The following NR6A1 variants were observed in gnomAD, a reference collection of about 807,000 sequenced individuals.
NR6A1 encodes the protein nuclear receptor subfamily 6 group A member 1, also known as retinoic acid receptor-related testis-associated receptor.
Under a neutral mutation model 59.1 loss-of-function variants are expected in NR6A1, and 7 were observed. The ratio of observed to expected loss-of-function variants is 0.12; its 90% confidence interval spans 0.07 to 0.22. NR6A1 has a LOEUF of 0.22. NR6A1 is among the 10% of genes least tolerant of loss of function. NR6A1 has a pLI of 1.00. For synonymous variants in NR6A1, 243 were observed against 236.1 expected, an observed-to-expected ratio of 1.03 and a Z score of -0.27; for missense variants, 468 against 611.6, an observed-to-expected ratio of 0.77 and a Z score of 2.48.
intron 2 of NR6A1, among the ~76,000 whole-genome samples, chr9:124,698,971 G>T (rs182337358): frequency 6.6e-6 from 1 of 152,114 alleles, no homozygotes. Flanking sequence ...GGCAAAAAAC[G>T]GTAGGTATAG....
At chr9:124,654,912 A>ACC (rs1837212165) in intron 2 of NR6A1, among the ~76,000 whole-genome samples, 2 of 143,368 alleles carry the variant, frequency 1.4e-5, no homozygotes, top group African/African-American at 5.2e-5. Flanking sequence ...ACACACACAC[A>ACC]CCTGCCAAAC....
chr9:124,622,072 C>T (rs150095489), intron 2 of NR6A1, among the ~76,000 whole-genome samples: 1 of 152,076 alleles, frequency 6.6e-6, no homozygotes, highest in Admixed American at 6.6e-5. Context: ...AAAAATTAGC[C>T]GGGCATGGTG....
intron 2 of NR6A1, among the ~76,000 whole-genome samples, chr9:124,640,085 G>A (rs865942613): frequency 7.2e-5 from 11 of 152,158 alleles, no homozygotes; most frequent in Non-Finnish European, 1.0e-4. Context: ...ATATGGAAGC[G>A]CTGAAGAACA....
chr9:124,760,467 C>A (rs2131194563), intron 1 of NR6A1, among the ~76,000 whole-genome samples: 1 of 152,246 alleles, frequency 6.6e-6, no homozygotes. Flanking sequence ...GCCCCAGATT[C>A]TCAGGTTTTT....
chr9:124,589,184 C>T (rs1451763883), intron 2 of NR6A1, among the ~76,000 whole-genome samples: 1 of 152,150 alleles, frequency 6.6e-6, no homozygotes. Flanking sequence ...CGGTGGCTCA[C>T]GCCTGTAATC....
chr9:124,718,290 C>G (rs1405490098), intron 2 of NR6A1, among the ~76,000 whole-genome samples: 2 of 152,214 alleles, frequency 1.3e-5, no homozygotes, highest in Non-Finnish European at 2.9e-5. Flanking sequence ...AGTGCTGGCT[C>G]AAGCCTCAAG....
At chr9:124,570,727 T>C (rs916228051) in intron 2 of NR6A1, among the ~76,000 whole-genome samples, 1 of 50,128 alleles carries the variant, frequency 2.0e-5, no homozygotes, top group African/African-American at 8.3e-5. Flanking sequence ...CCTTGTTTAC[T>C]TGGTGGGGGG....
chr9:124,732,722 G>C (rs886548600), intron 2 of NR6A1, among the ~76,000 whole-genome samples: 6 of 150,086 alleles, frequency 4.0e-5, no homozygotes, highest in African/African-American at 1.5e-4. Context: ...TTGAGGTGGA[G>C]TTTTGCTCTT....
intron 2 of NR6A1, among the ~76,000 whole-genome samples, chr9:124,658,917 C>T (rs1324608607): frequency 6.6e-6 from 1 of 152,158 alleles, no homozygotes; most frequent in Non-Finnish European, 1.5e-5. Context: ...TTATACACAT[C>T]CCATAACGCA....
At chr9:124,736,153 AC>A (rs1465240100) in intron 1 of NR6A1, among the ~76,000 whole-genome samples, 1 of 152,118 alleles carries the variant, frequency 6.6e-6, no homozygotes, top group Admixed American at 6.5e-5. Context: ...GGAAGGTTAG[AC>A]CTCTCCTAGG....
chr9:124,680,040 A>G (rs1039469375), intron 2 of NR6A1, among the ~76,000 whole-genome samples: 7 of 152,124 alleles, frequency 4.6e-5, no homozygotes, highest in Admixed American at 3.9e-4. Flanking sequence ...GTTATACATT[A>G]TATGTAATTA....
chr9:124,678,497 T>C (rs969765460), intron 2 of NR6A1, among the ~76,000 whole-genome samples: 3 of 152,194 alleles, frequency 2.0e-5, no homozygotes, highest in African/African-American at 7.2e-5. Context: ...AGACAGAAGA[T>C]GTAAGTGTAA....
At chr9:124,768,340 G>A (rs1038992176) in intron 1 of NR6A1, among the ~76,000 whole-genome samples, 2 of 152,018 alleles carry the variant, frequency 1.3e-5, no homozygotes, top group African/African-American at 4.8e-5. Context: ...TATATTTTTG[G>A]AGAAAAATAT....
rs1832788731 is a variant in NR6A1 at position 124,521,007 on chromosome 9, C to T, written c.*1698G>A. 1 of 152,210 alleles carries T rather than the reference C, an allele frequency of 6.6e-6. No individual in the cohort carries two copies. The highest frequency in any genetic ancestry group is 1.5e-5 in the Non-Finnish European group (1 of 68,024). 9.4% of individuals were successfully genotyped at this position (152,210 alleles called of 1,614,324 possible). A position where few individuals can be genotyped will look rare whatever the true frequency, so the allele number is the denominator to read the frequency against. On this transcript the variant is annotated 3_prime_UTR_variant, in exon 10 of 10. Coordinates refer to ENST00000487099, the MANE Select transcript of NR6A1 (RefSeq NM_033334.4). ...TCAGACATGGACTACCCAGTATGCA[C>T]ACGACGTGGTGCCCTCCTGGGTAGC...
intron 2 of NR6A1, among the ~76,000 whole-genome samples, chr9:124,711,184 GT>G (rs1301655873): frequency 1.9e-5 from 2 of 103,368 alleles, no homozygotes; most frequent in African/African-American, 8.2e-5. Context: ...GTCAGCTAAG[GT>G]TTAAAAAAAA....
At position 124,738,088 on chromosome 9, in the gene NR6A1, T is replaced by C. The variant is rs1267949297; in HGVS notation, c.101-4739A>G. 2.0e-5 allele frequency among the ~76,000 whole-genome samples: 3 copies of C among 152,116 alleles called. No individual in the cohort carries two copies. The East Asian group carries it at 5.8e-4, about 29-fold the overall frequency. On this transcript the variant is annotated intron_variant, in intron 1 of 9. Transcript: ENST00000487099. ...GGCCAACATAGTAAAACCCCGTTTC[T>C]ACTAAAAATACAAAAATTAGTCTGG...
intron 7 of NR6A1, among the ~76,000 whole-genome samples, chr9:124,534,670 C>A (rs74734776): frequency 0.01 from 1,564 of 152,274 alleles, 25 homozygotes; most frequent in African/African-American, 0.036. Context: ...AGTCAAAGAA[C>A]CTAAGCTTTT....
At chr9:124,740,220 C>T (rs1025622815) in intron 1 of NR6A1, among the ~76,000 whole-genome samples, 21 of 152,286 alleles carry the variant, frequency 1.4e-4, no homozygotes, top group African/African-American at 5.1e-4. Flanking sequence ...GACATAAGGA[C>T]TCAAGTCAGG....
intron 7 of NR6A1, 47 bp downstream of exon 7, chr9:124,535,831 C>T: frequency 6.2e-7 from 1 of 1,606,322 alleles, no homozygotes; most frequent in Non-Finnish European, 8.5e-7. Flanking sequence ...ACAGGGATGA[C>T]AATTGTTTGG....
Sources: gnomAD v4.1 joint callset for allele counts (sites outside exome capture counted in the v4.1 genomes callset) on GRCh38, gnomAD v4.1.1 for gene constraint, MANE v1.5 for transcripts, NCBI Gene and HGNC (gene_info 2026-07-23, HGNC 2026-07-21) for gene names.